GTF2F2: variants seen among roughly 807,000 people sequenced by gnomAD.
GTF2F2 encodes ATP-dependent helicase GTF2F2.
Under a neutral mutation model 42.2 loss-of-function variants are expected in GTF2F2, and 23 were observed. The ratio of observed to expected loss-of-function variants is 0.55; its 90% CI spans 0.39 to 0.77. The LOEUF (loss-of-function observed/expected upper bound fraction) is 0.77. Among genes scored for constraint, GTF2F2 ranks in the 30% least tolerant of loss-of-function variants. The pLI is 0.00. For synonymous variants in GTF2F2, 105 were observed against 100.8 expected, an observed-to-expected ratio of 1.04 and a Z score of -0.25; for missense variants, 261 against 287.2, an observed-to-expected ratio of 0.91 and a Z score of 0.66.
chr13:45,253,395 G>A (rs1875958616), intron 6 of GTF2F2, among the ~76,000 whole-genome samples: 1 of 152,140 alleles, frequency 6.6e-6, no homozygotes, highest in Admixed American at 6.5e-5. Context: ...TCATGGAACA[G>A]CAGTAATTTT....
intron 5 of GTF2F2, among the ~76,000 whole-genome samples, chr13:45,231,114 T>C (rs1033228110): frequency 2.0e-5 from 3 of 151,828 alleles, no homozygotes; most frequent in Non-Finnish European, 4.4e-5. Context: ...TTATTATTTA[T>C]TTATTAATTT....
At chr13:45,199,669 C>G in intron 4 of GTF2F2, among the ~76,000 whole-genome samples, 1 of 152,106 alleles carries the variant, frequency 6.6e-6, no homozygotes, top group Admixed American at 6.6e-5. Context: ...TGGCAAAATG[C>G]AATTTTACTT....
At chr13:45,163,126 A>T (rs2138134263) in intron 4 of GTF2F2, among the ~76,000 whole-genome samples, 1 of 152,290 alleles carries the variant, frequency 6.6e-6, no homozygotes, top group East Asian at 1.9e-4. Flanking sequence ...TCCAGTGTTT[A>T]GCTTGAGTAG....
intron 5 of GTF2F2, among the ~76,000 whole-genome samples, chr13:45,213,558 T>C (rs533915690): frequency 4.1e-4 from 63 of 152,360 alleles, no homozygotes; most frequent in Non-Finnish European, 7.3e-4. Flanking sequence ...TTTAATGTTT[T>C]GGGAATTCAT....
At chr13:45,237,612 T>C (rs1875056439) in intron 5 of GTF2F2, among the ~76,000 whole-genome samples, 1 of 152,222 alleles carries the variant, frequency 6.6e-6, no homozygotes, top group South Asian at 2.1e-4. Context: ...ACCAAAGGAC[T>C]AAAGAAGTTG....
intron 4 of GTF2F2, among the ~76,000 whole-genome samples, chr13:45,165,331 A>ATATATTTT (rs761914958): frequency 1.0e-4 from 14 of 136,922 alleles, no homozygotes; most frequent in African/African-American, 3.7e-4. Flanking sequence ...ATATATATAT[A>ATATATTTT]TTTTTTTTTT....
chr13:45,168,534 C>G (rs1566121204), intron 4 of GTF2F2, among the ~76,000 whole-genome samples: 1 of 152,210 alleles, frequency 6.6e-6, no homozygotes, highest in Non-Finnish European at 1.5e-5. Flanking sequence ...GTTTTCTACA[C>G]TAATCATTTT....
chr13:45,252,169 G>A (rs1353874726), intron 5 of GTF2F2, among the ~76,000 whole-genome samples: 1 of 152,134 alleles, frequency 6.6e-6, no homozygotes, highest in Non-Finnish European at 1.5e-5. Context: ...CTGAGACATG[G>A]TCTCTCTCTG....
rs147462369 is a variant in GTF2F2 at position 45,274,472 on chromosome 13, A to G, written c.630+7096A>G. Among the ~76,000 whole-genome samples the G allele has an allele frequency of 1.1e-3, 160 of 151,970 alleles. 1 individual carries two copies. The highest frequency in any genetic ancestry group is 6.8e-3 in the Middle Eastern group (2 of 294). On this transcript the variant is annotated intron_variant, in intron 7 of 7. Transcript: ENST00000340473. ...CTCCCGAGTAGCTGGGATTACAGGC[A>G]CATGCCACCACACCTAGCTAATTTT...
intron 4 of GTF2F2, among the ~76,000 whole-genome samples, chr13:45,191,914 C>T (rs1872674679): frequency 6.6e-6 from 1 of 152,066 alleles, no homozygotes; most frequent in Non-Finnish European, 1.5e-5. Flanking sequence ...TGTAATGCTT[C>T]TAAGGAGATC....
At chr13:45,189,943 A>G (rs749360231) in intron 4 of GTF2F2, among the ~76,000 whole-genome samples, 2 of 152,222 alleles carry the variant, frequency 1.3e-5, no homozygotes, top group Non-Finnish European at 2.9e-5. Flanking sequence ...GGACATAGGC[A>G]TGGGCAAGGA....
At chr13:45,187,197 C>G (rs1872462805) in intron 4 of GTF2F2, among the ~76,000 whole-genome samples, 1 of 152,012 alleles carries the variant, frequency 6.6e-6, no homozygotes, top group Admixed American at 6.5e-5. Context: ...TGAGACCAGC[C>G]TGGGCAACAA....
At chr13:45,245,680 TATATATATATATATATATATAC>T (rs1298456914) in intron 5 of GTF2F2, among the ~76,000 whole-genome samples, 2 of 124,978 alleles carry the variant, frequency 1.6e-5, no homozygotes, top group South Asian at 2.4e-4. Context: ...TATATATATA[TATATATATATATATATATATAC>T]ATATACATAC....
In GTF2F2 at chr13:45,207,505, G is replaced by T; in HGVS notation, c.386G>T (p.Arg129Ile). 6.3e-7 allele frequency: 1 copy of T among 1,597,604 alleles called. No individual in the cohort carries two copies. The highest frequency in any genetic ancestry group is 1.7e-4 in the Middle Eastern group (1 of 6,022). The change falls in exon 5 of 8, where the codon AGA (arginine) becomes ATA (isoleucine). Residue 129 changes from arginine to isoleucine, a missense_variant and splice_region_variant. Coordinates refer to ENST00000340473, the MANE Select transcript of GTF2F2 (RefSeq NM_004128.3). ...AGTGAAAACTACATGCGATTAAAAA[G>T]GTTGGTGTTTTGTAACTCCAGAATG... ...AASENYMRLK[R>I]LQIEESSKPV... is the part of the protein sequence containing the mutation.
intron 4 of GTF2F2, among the ~76,000 whole-genome samples, chr13:45,179,836 A>G (rs1418423321): frequency 2.0e-5 from 3 of 152,376 alleles, no homozygotes; most frequent in Non-Finnish European, 2.9e-5. Flanking sequence ...ATAGACCAGC[A>G]TAGTTAATTT....
rs369646008 is a variant in GTF2F2 at position 45,225,029 on chromosome 13, T to C, written c.386+17524T>C. ...AAACTTTCATGTTTGTGTATACAAA[T>C]CAGCTGAGGCCTTCACTAAACTACA... On this transcript the variant is annotated intron_variant, in intron 5 of 7. Transcript: ENST00000340473. Among the ~76,000 whole-genome samples the C allele has an allele frequency of 3.3e-5, 5 of 152,338 alleles. No homozygotes were observed. In the East Asian group the frequency reaches 7.7e-4, roughly 23 times the overall value.
chr13:45,224,661 A>G (rs1874255387), intron 5 of GTF2F2, among the ~76,000 whole-genome samples: 1 of 152,240 alleles, frequency 6.6e-6, no homozygotes, highest in African/African-American at 2.4e-5. Flanking sequence ...TCAGATATAT[A>G]ATAAAGTATT....
intron 1 of GTF2F2, 29 bp downstream of exon 1, chr13:45,120,750 T>C: frequency 6.7e-7 from 1 of 1,485,202 alleles, no homozygotes; most frequent in Non-Finnish European, 9.2e-7. Context: ...CCACTTGCGC[T>C]CCTCCTAACA....
chr13:45,221,137 G>C (rs1236764971), intron 5 of GTF2F2, among the ~76,000 whole-genome samples: 1 of 151,952 alleles, frequency 6.6e-6, no homozygotes, highest in Non-Finnish European at 1.5e-5. Context: ...TTGAATTCTT[G>C]GTTGTTAGCC....
Sources: allele counts gnomAD v4.1 joint callset (sites outside exome capture counted in the v4.1 genomes callset), GRCh38; gene constraint gnomAD v4.1.1; transcripts MANE v1.5; gene names NCBI Gene and HGNC (gene_info 2026-07-23, HGNC 2026-07-21).